PIK3C2A: variants seen among roughly 807,000 people sequenced by gnomAD.
PIK3C2A encodes the protein phosphatidylinositol-4-phosphate 3-kinase catalytic subunit type 2 alpha.
A neutral mutation model predicts 204.5 loss-of-function variants in PIK3C2A; 97 were observed. That is an observed-to-expected ratio of 0.47 (90% CI 0.40 to 0.56). The LOEUF (loss-of-function observed/expected upper bound fraction) is 0.56, where lower values mean the gene tolerates loss of function less well. PIK3C2A is among the 20% of genes least tolerant of loss of function. PIK3C2A has a pLI of 0.00. For synonymous variants in PIK3C2A, 653 were observed against 664.4 expected, an observed-to-expected ratio of 0.98 and a Z score of 0.26; for missense variants, 1,735 against 1,969.2, an observed-to-expected ratio of 0.88 and a Z score of 2.25.
intron 1 of PIK3C2A, chr11:17,204,321 T>C (rs1308020678): frequency 6.6e-6 from 1 of 152,176 alleles, no homozygotes; most frequent in Non-Finnish European, 1.5e-5. Context: ...GTGACTCCCA[T>C]TTTTGGCTCA....
chr11:17,109,981 C>T (rs757641484), intron 22 of PIK3C2A, among the ~76,000 whole-genome samples: 1 of 152,014 alleles, frequency 6.6e-6, no homozygotes, highest in Non-Finnish European at 1.5e-5. Flanking sequence ...GAGATAGAGT[C>T]TCACTGTGTC....
At chr11:17,183,689 A>C (rs566777063) in intron 1 of PIK3C2A, among the ~76,000 whole-genome samples, 26 of 152,204 alleles carry the variant, frequency 1.7e-4, no homozygotes, top group Admixed American at 7.9e-4. Flanking sequence ...AAAACAACAA[A>C]AAAAAAGAAA....
chr11:17,114,323 C>T, intron 20 of PIK3C2A, 38 bp downstream of exon 20: 1 of 1,067,364 alleles, frequency 9.4e-7, no homozygotes, highest in Non-Finnish European at 1.5e-6. Context: ...CTATTATTTT[C>T]AAATGTAATA....
rs1850790661 is a variant in PIK3C2A, at chr11:17,162,034, T to G, written c.1066-6405A>C. Among the ~76,000 whole-genome samples the G allele has an allele frequency of 2.0e-5, 3 of 152,084 alleles. No homozygotes were observed. In the South Asian group the frequency reaches 6.2e-4, roughly 32 times the overall value. Reference sequence around the variant, plus strand: ...ACTAACAAGAAGGCTTAGAACTTTTTCATACAAAAATCCATTCTGGGCCGG... The same window carrying G: ...ACTAACAAGAAGGCTTAGAACTTTTGCATACAAAAATCCATTCTGGGCCGG... On this transcript the variant is annotated intron_variant, in intron 2 of 32. Coordinates refer to ENST00000691414, the MANE Select transcript of PIK3C2A (RefSeq NM_002645.4).
chr11:17,126,623 G>A (rs1244630059), intron 13 of PIK3C2A, among the ~76,000 whole-genome samples: 1 of 152,104 alleles, frequency 6.6e-6, no homozygotes, highest in Admixed American at 6.6e-5. Context: ...GAAACAAAGT[G>A]TAATAATAAT....
intron 12 of PIK3C2A, among the ~76,000 whole-genome samples, chr11:17,130,711 G>T (rs1354403794): frequency 6.7e-6 from 1 of 148,858 alleles, no homozygotes; most frequent in African/African-American, 2.5e-5. Context: ...GGAGGCTGAG[G>T]CAGGAGAATC....
At position 17,155,528 on chromosome 11, in the gene PIK3C2A, T is replaced by C. The variant is rs1393993530; in HGVS notation, c.1167A>G (p.Thr389=). 6.4e-7 allele frequency: 1 copy of C among 1,552,876 alleles called. No individual in the cohort carries two copies. The highest frequency in any genetic ancestry group is 1.2e-5 in the South Asian group (1 of 85,694). Residue 389 remains threonine, a splice_region_variant and synonymous_variant, in exon 3 of 33, where the codon ACA becomes ACG. Transcript: ENST00000691414. ...EEMAAFCRSI[T]KLKTKFPYTN... is the part of the protein sequence containing the mutation. The stretch of plus-strand genomic sequence containing the variant: ...ATTTATAAAGAAAAATTCCTTACTT[T>C]GTAATGGATCGACAAAAAGCTGCCA...
In PIK3C2A at chr11:17,119,828, G is replaced by A; in HGVS notation, c.2804C>T (p.Pro935Leu). Residue 935 changes from proline (P) to leucine (L), a missense_variant, in exon 16 of 33, where the codon CCT becomes CTT. Physicochemically the swap from Pro to Leu is moderately conservative, Grantham distance 98 (BLOSUM62 -3). Coordinates refer to ENST00000691414, the MANE Select transcript of PIK3C2A (RefSeq NM_002645.4). ...CAATGCAATTAGTGGGTACAATGCA[G>A]GCCACTGGTGAAGCAATGAGTAAGT... ...AKTYSLLHQW[P>L]ALYPLIALEL... 2 of 1,603,666 alleles carry A rather than the reference G, an allele frequency of 1.2e-6. No individual in the cohort carries two copies. The highest frequency in any genetic ancestry group is 1.7e-6 in the Non-Finnish European group (2 of 1,175,902).
rs186316661 is a variant in PIK3C2A, at chr11:17,201,659, C to T, written c.-66+6189G>A. 2.5e-3 allele frequency among the ~76,000 whole-genome samples: 381 copies of T among 151,990 alleles called. 2 individuals carry two copies. The highest frequency in any genetic ancestry group is 6.8e-3 in the Middle Eastern group (2 of 294). On this transcript the variant is annotated intron_variant, in intron 1 of 32. Coordinates refer to ENST00000691414, the MANE Select transcript of PIK3C2A (RefSeq NM_002645.4). ...TGAAATAACACTATCCTTAACACCT[C>T]ATCATCTTCTTCTTCCTATAGTAAG...
chr11:17,116,626 G>A (rs895649431), intron 19 of PIK3C2A, among the ~76,000 whole-genome samples: 6 of 149,434 alleles, frequency 4.0e-5, no homozygotes, highest in African/African-American at 1.5e-4. Flanking sequence ...GTCTTGCTCT[G>A]TCGCCCAGGC....
At chr11:17,190,983 G>A (rs1851920664) in intron 1 of PIK3C2A, among the ~76,000 whole-genome samples, 1 of 152,116 alleles carries the variant, frequency 6.6e-6, no homozygotes, top group African/African-American at 2.4e-5. Flanking sequence ...AAACCAAGAA[G>A]TTCAGTGAAG....
intron 8 of PIK3C2A, among the ~76,000 whole-genome samples, chr11:17,143,697 G>A (rs1850140058): frequency 6.6e-6 from 1 of 152,050 alleles, no homozygotes; most frequent in Non-Finnish European, 1.5e-5. Context: ...AGCACTATGG[G>A]AGGCCAAGGC....
chr11:17,177,788 G>A (rs938867442), intron 1 of PIK3C2A, among the ~76,000 whole-genome samples: 3 of 152,014 alleles, frequency 2.0e-5, no homozygotes, highest in East Asian at 1.9e-4. Flanking sequence ...TTACAGCGAC[G>A]CTGTCCAAAA....
chr11:17,188,209 A>ACTCATTAGCAGTCACATT (rs1247220427), intron 1 of PIK3C2A, among the ~76,000 whole-genome samples: 89 of 147,142 alleles, frequency 6.0e-4, no homozygotes, highest in African/African-American at 2.1e-3. Flanking sequence ...ATGGTGGTGC[A>ACTCATTAGCAGTCACATT]TGCCTGTAAT....
chr11:17,196,040 A>G (rs1377460589), intron 1 of PIK3C2A, among the ~76,000 whole-genome samples: 1 of 152,118 alleles, frequency 6.6e-6, no homozygotes, highest in African/African-American at 2.4e-5. Context: ...CTTCATCTCG[A>G]AAGAAAAAAA....
rs1565230257 is a variant in PIK3C2A, at chr11:17,087,363, G to T, written c.*2375C>A. On this transcript the variant is annotated 3_prime_UTR_variant, in exon 33 of 33. Coordinates refer to ENST00000691414, the MANE Select transcript of PIK3C2A (RefSeq NM_002645.4). ...GGGCTGAAGATTAGCATTTCATAAA[G>T]AAATAAACTATATGTAAAATGTATG... The T allele has an allele frequency of 1.3e-5, 2 of 152,066 alleles. No homozygotes were observed. Among genetic ancestry groups the T allele is most frequent in the Non-Finnish European group, 2.9e-5 (2 of 67,990 alleles). 9.4% of individuals were successfully genotyped at this position (152,066 alleles called of 1,614,324 possible). A position where few individuals can be genotyped will look rare whatever the true frequency, so the allele number is the denominator to read the frequency against.
intron 22 of PIK3C2A, among the ~76,000 whole-genome samples, chr11:17,106,401 C>A (rs1848819150): frequency 6.6e-6 from 1 of 151,978 alleles, no homozygotes; most frequent in South Asian, 2.1e-4. Context: ...GACAGCGAGA[C>A]CCTGTCTTCA....
intron 1 of PIK3C2A, among the ~76,000 whole-genome samples, chr11:17,191,682 G>GA (rs1338432623): frequency 6.6e-6 from 1 of 152,114 alleles, no homozygotes; most frequent in Non-Finnish European, 1.5e-5. Context: ...GCAAGTTATC[G>GA]AAACTTTGGG....
At chr11:17,186,441 A>G (rs2137539104) in intron 1 of PIK3C2A, among the ~76,000 whole-genome samples, 1 of 152,292 alleles carries the variant, frequency 6.6e-6, no homozygotes, top group South Asian at 2.1e-4. Context: ...TAGTCCTGGA[A>G]TAACAAAGCT....
Sources: allele counts gnomAD v4.1 joint callset (sites outside exome capture counted in the v4.1 genomes callset), GRCh38; gene constraint gnomAD v4.1.1; transcripts MANE v1.5; gene names NCBI Gene and HGNC (gene_info 2026-07-23, HGNC 2026-07-21).